The following ARPC1A variants were observed in gnomAD, a reference collection of about 807,000 sequenced individuals.
ARPC1A encodes the protein actin related protein 2/3 complex subunit 1A, also known as actin-related protein 2/3 complex subunit 1A.
Under a neutral mutation model 46.9 loss-of-function variants are expected in ARPC1A, and 8 were observed. The ratio of observed to expected loss-of-function variants is 0.17; its 90% confidence interval spans 0.10 to 0.31. ARPC1A has a LOEUF of 0.31. Among genes scored for constraint, ARPC1A ranks in the 10% least tolerant of loss-of-function variants. ARPC1A has a pLI of 1.00. For synonymous variants in ARPC1A, 152 were observed against 169.0 expected, an observed-to-expected ratio of 0.90 and a Z score of 0.78; for missense variants, 286 against 483.6, an observed-to-expected ratio of 0.59 and a Z score of 3.83.
chr7:99,330,942 A>G (rs1348902945), intron 1 of ARPC1A, among the ~76,000 whole-genome samples: 1 of 152,230 alleles, frequency 6.6e-6, no homozygotes, highest in Non-Finnish European at 1.5e-5. Context: ...TTGGGTACCT[A>G]TAAAATAGAG....
At chr7:99,358,073 T>G (rs939815314) in intron 6 of ARPC1A, among the ~76,000 whole-genome samples, 2 of 152,072 alleles carry the variant, frequency 1.3e-5, no homozygotes, top group Non-Finnish European at 2.9e-5. Flanking sequence ...AGAGCTGTGC[T>G]GGGGGTGGAA....
At chr7:99,328,199 G>A (rs572428572) in intron 1 of ARPC1A, among the ~76,000 whole-genome samples, 3 of 151,954 alleles carry the variant, frequency 2.0e-5, no homozygotes, top group Admixed American at 6.5e-5. Flanking sequence ...GAGAAACCCC[G>A]TCTCTACTAA....
chr7:99,362,682 G>A (rs577636792), intron 8 of ARPC1A, among the ~76,000 whole-genome samples: 1 of 151,588 alleles, frequency 6.6e-6, no homozygotes, highest in African/African-American at 2.4e-5. Context: ...CAGGCTGTAC[G>A]GGCATAGGCA....
intron 4 of ARPC1A, among the ~76,000 whole-genome samples, chr7:99,346,702 A>G (rs1223904181): frequency 6.6e-6 from 1 of 152,212 alleles, no homozygotes; most frequent in East Asian, 1.9e-4. Flanking sequence ...TATAAAGGCC[A>G]GGCACGGTAG....
chr7:99,365,145 G>T (rs1793813273), intron 9 of ARPC1A, among the ~76,000 whole-genome samples: 1 of 152,134 alleles, frequency 6.6e-6, no homozygotes, highest in African/African-American at 2.4e-5. Context: ...AGCACAGATG[G>T]AGCTAGAAAA....
intron 8 of ARPC1A, among the ~76,000 whole-genome samples, chr7:99,361,523 C>T (rs188700511): frequency 2.0e-5 from 3 of 150,348 alleles, no homozygotes. Context: ...CCACATTCTT[C>T]AGGTTTCTCC....
intron 3 of ARPC1A, among the ~76,000 whole-genome samples, chr7:99,341,895 A>T (rs1003788840): frequency 6.6e-6 from 1 of 152,158 alleles, no homozygotes; most frequent in Non-Finnish European, 1.5e-5. Context: ...TCAGAAAGAT[A>T]GTAATTTTAG....
chr7:99,343,188 C>T (rs1793384542), intron 3 of ARPC1A, among the ~76,000 whole-genome samples: 1 of 151,810 alleles, frequency 6.6e-6, no homozygotes. Context: ...TCATCAAGGC[C>T]AGGCACTGTG....
At chr7:99,338,055 G>A in intron 2 of ARPC1A, 126 bp from the exon 3 acceptor site, 1 of 591,184 alleles carries the variant, frequency 1.7e-6, no homozygotes, top group Non-Finnish European at 2.9e-6. Context: ...GTGAATTTGG[G>A]AACTACTTTT....
intron 4 of ARPC1A, among the ~76,000 whole-genome samples, chr7:99,345,639 C>G (rs1379757224): frequency 1.3e-5 from 2 of 149,878 alleles, no homozygotes; most frequent in Admixed American, 1.3e-4. Context: ...GCCTGGGCGG[C>G]AAAGTGAGAT....
rs118020973 is a variant in ARPC1A, at chr7:99,344,708, A to G, written c.392+193A>G. Among the ~76,000 whole-genome samples, 164 of 152,164 alleles carry G rather than the reference A, an allele frequency of 1.1e-3. 4 individuals are homozygous for G. The East Asian group carries it at 0.022, about 21-fold the overall frequency. On this transcript the variant is annotated intron_variant, in intron 4 of 9. Coordinates refer to ENST00000262942, the MANE Select transcript of ARPC1A (RefSeq NM_006409.4). ...TAAATCGCACGTTTTTTATATTAAC[A>G]TAGAGCTATTGTGTCCATGTTCTGA...
intron 1 of ARPC1A, among the ~76,000 whole-genome samples, chr7:99,329,250 G>A (rs1793104473): frequency 6.6e-6 from 1 of 150,810 alleles, no homozygotes; most frequent in African/African-American, 2.4e-5. Flanking sequence ...GCAGTGAGCC[G>A]AGATCGTGCC....
intron 1 of ARPC1A, among the ~76,000 whole-genome samples, chr7:99,326,459 G>A (rs1341065813): frequency 6.6e-6 from 1 of 152,174 alleles, no homozygotes; most frequent in Non-Finnish European, 1.5e-5. Context: ...GGTTAATGGG[G>A]AACCTTCTCG....
intron 5 of ARPC1A, among the ~76,000 whole-genome samples, chr7:99,353,113 T>TTTAGTTTATGTTATG (rs1554345302): frequency 5.1e-5 from 7 of 136,716 alleles, no homozygotes; most frequent in South Asian, 4.8e-4. Context: ...TTTAGTTTAG[T>TTTAGTTTATGTTATG]TTATGTTATG....
chr7:99,338,679 T>A (rs1793308833), intron 3 of ARPC1A, among the ~76,000 whole-genome samples: 1 of 152,030 alleles, frequency 6.6e-6, no homozygotes, highest in African/African-American at 2.4e-5. Flanking sequence ...CTACCGCACC[T>A]GGCCCGTAAT....
intron 1 of ARPC1A, among the ~76,000 whole-genome samples, chr7:99,328,986 G>A (rs1261651969): frequency 1.3e-5 from 2 of 151,576 alleles, no homozygotes; most frequent in Non-Finnish European, 2.9e-5. Context: ...AGGGATGAGG[G>A]GGGAGGGAGG....
chr7:99,341,084 G>A (rs1475927982), intron 3 of ARPC1A, among the ~76,000 whole-genome samples: 1 of 150,560 alleles, frequency 6.6e-6, no homozygotes, highest in African/African-American at 2.4e-5. Context: ...TGAGGCGGGT[G>A]GATCACCTGA....
chr7:99,343,503 C>T (rs553237317), intron 3 of ARPC1A, among the ~76,000 whole-genome samples: 3 of 151,384 alleles, frequency 2.0e-5, no homozygotes, highest in Non-Finnish European at 4.4e-5. Flanking sequence ...GAAAATACCT[C>T]ATCAATAAGT....
chr7:99,364,491 C>T (rs771933121), intron 9 of ARPC1A, among the ~76,000 whole-genome samples: 1 of 150,862 alleles, frequency 6.6e-6, no homozygotes, highest in South Asian at 2.1e-4. Context: ...ATGCTGGTCT[C>T]GAACTCCCAA....
Sources: gnomAD v4.1 joint callset for allele counts (sites outside exome capture counted in the v4.1 genomes callset) on GRCh38, gnomAD v4.1.1 for gene constraint, MANE v1.5 for transcripts, NCBI Gene and HGNC (gene_info 2026-07-23, HGNC 2026-07-21) for gene names.